FAM227B: variants seen among roughly 807,000 people sequenced by gnomAD.
FAM227B encodes family with sequence similarity 227 member B, also known as protein FAM227B.
A neutral mutation model predicts 73.8 loss-of-function variants in FAM227B; 88 were observed. That is an observed-to-expected ratio of 1.19 (90% CI 1.00 to 1.42). The LOEUF (loss-of-function observed/expected upper bound fraction) is 1.42, where lower values mean the gene tolerates loss of function less well. Among genes scored for constraint, FAM227B ranks in the 40% most tolerant of loss-of-function variants. The pLI, the probability that FAM227B is intolerant of heterozygous loss-of-function variation, is 0.00. For missense variants in FAM227B, 632 were observed against 590.9 expected (o/e 1.07, Z -0.72); for synonymous variants, 210 against 190.5 (o/e 1.10, Z -0.84).
chr15:49,367,881 A>AAAAAAAAAAAAAAAAAAAAAAC, intron 12 of FAM227B: 1 of 191,454 alleles, frequency 5.2e-6, no homozygotes, highest in Non-Finnish European at 1.1e-5. Flanking sequence ...AAAAAAAAAA[A>AAAAAAAAAAAAAAAAAAAAAAC]AATGAAGAAA....
intron 3 of FAM227B, among the ~76,000 whole-genome samples, chr15:49,597,989 C>T (rs1257897340): frequency 6.7e-6 from 1 of 150,204 alleles, no homozygotes; most frequent in Non-Finnish European, 1.5e-5. Context: ...AAATAATTAC[C>T]AACAAAAAAA....
intron 11 of FAM227B, among the ~76,000 whole-genome samples, chr15:49,456,992 A>C (rs1405031357): frequency 6.6e-6 from 1 of 152,114 alleles, no homozygotes; most frequent in Non-Finnish European, 1.5e-5. Flanking sequence ...CTTTGCTCAA[A>C]ATCACAGAGC....
At chr15:49,349,661 A>C (rs1211007985) in intron 13 of FAM227B, among the ~76,000 whole-genome samples, 1 of 152,166 alleles carries the variant, frequency 6.6e-6, no homozygotes, top group East Asian at 1.9e-4. Context: ...AGATTCACTG[A>C]TCAGAAATAT....
At chr15:49,361,368 T>C (rs1024689713) in intron 13 of FAM227B, among the ~76,000 whole-genome samples, 1 of 151,706 alleles carries the variant, frequency 6.6e-6, no homozygotes, top group African/African-American at 2.4e-5. Context: ...TAATACCCAG[T>C]AGGCAGTTTT....
At position 49,331,865 on chromosome 15, in the gene FAM227B, A is replaced by G. The variant is rs1403018359; in HGVS notation, c.1350-16T>C. The G allele has an allele frequency of 2.0e-6, 3 of 1,526,176 alleles. No homozygotes were observed. The highest frequency in any genetic ancestry group is 4.5e-5 in the East Asian group (2 of 44,476). 94.5% of individuals were successfully genotyped at this position (1,526,176 alleles called of 1,614,324 possible). ...TGCTTGGAGTCTAATCATGGAATAA[A>G]GAAAATCAGTAACCAAACTAATTGT... On this transcript the variant is annotated splice_polypyrimidine_tract_variant and intron_variant, in intron 14 of 15. Coordinates refer to ENST00000299338, the MANE Select transcript of FAM227B (RefSeq NM_152647.3).
intron 11 of FAM227B, among the ~76,000 whole-genome samples, chr15:49,419,775 A>T (rs6493370): frequency 0.49 from 74,546 of 151,394 alleles, 18,480 homozygotes; most frequent in East Asian, 0.55. Context: ...TATTATTATT[A>T]TTTTTTTATT....
chr15:49,469,484 A>C (rs886934079), intron 11 of FAM227B, among the ~76,000 whole-genome samples: 1 of 152,098 alleles, frequency 6.6e-6, no homozygotes, highest in Non-Finnish European at 1.5e-5. Flanking sequence ...TTGGCTTTTC[A>C]TGGCACAATT....
chr15:49,508,445 C>G (rs558976801), intron 10 of FAM227B, 97 bp from the exon 11 acceptor site: 114 of 1,140,112 alleles, frequency 1.0e-4, no homozygotes, highest in Admixed American at 3.5e-4. Context: ...TACATTTCAT[C>G]CTCACAACAA....
intron 8 of FAM227B, 100 bp from the exon 9 acceptor site, chr15:49,568,446 T>C (rs2074834906): frequency 1.0e-6 from 1 of 956,544 alleles, no homozygotes; most frequent in Admixed American, 2.4e-5. Context: ...AGCAGATCAA[T>C]TGGTACAGGA....
chr15:49,329,313 G>C (rs765456127), intron 15 of FAM227B: 355 of 985,358 alleles, frequency 3.6e-4, no homozygotes, highest in Non-Finnish European at 4.0e-4. Flanking sequence ...TGGACTATAG[G>C]AAGCACTTTC....
chr15:49,612,111 C>CT (rs757706348), intron 2 of FAM227B, among the ~76,000 whole-genome samples: 4 of 145,722 alleles, frequency 2.7e-5, no homozygotes, highest in Non-Finnish European at 6.0e-5. Context: ...TTTTATTATA[C>CT]TTTAAGTTTT....
intron 11 of FAM227B, among the ~76,000 whole-genome samples, chr15:49,410,701 CTACA>C (rs893647006): frequency 2.8e-4 from 42 of 152,150 alleles, no homozygotes; most frequent in African/African-American, 9.6e-4. Flanking sequence ...CCAAGTTAGA[CTACA>C]TGAATAGCTC....
chr15:49,468,109 G>A (rs2054425909), intron 11 of FAM227B, among the ~76,000 whole-genome samples: 1 of 152,032 alleles, frequency 6.6e-6, no homozygotes, highest in Non-Finnish European at 1.5e-5. Context: ...ATTTTCTAAT[G>A]TTTTATTTTC....
chr15:49,616,782 T>A (rs570759740), intron 1 of FAM227B, among the ~76,000 whole-genome samples: 1 of 152,244 alleles, frequency 6.6e-6, no homozygotes, highest in Non-Finnish European at 1.5e-5. Flanking sequence ...AAATTATCTT[T>A]CAAGAAAAAT....
chr15:49,525,710 AT>A (rs2060141762), intron 10 of FAM227B, among the ~76,000 whole-genome samples: 7 of 82,394 alleles, frequency 8.5e-5, no homozygotes, highest in Non-Finnish European at 2.0e-4. Flanking sequence ...ATATATATAT[AT>A]ATATATATCA....
At chr15:49,551,405 G>C (rs767193919) in intron 9 of FAM227B, among the ~76,000 whole-genome samples, 4 of 152,156 alleles carry the variant, frequency 2.6e-5, no homozygotes, top group Admixed American at 6.5e-5. Context: ...TATTTTGTCT[G>C]ATACAAGTAT....
At chr15:49,596,491 C>G (rs2076891242) in intron 3 of FAM227B, among the ~76,000 whole-genome samples, 1 of 151,152 alleles carries the variant, frequency 6.6e-6, no homozygotes, top group African/African-American at 2.4e-5. Flanking sequence ...GAAAACAAAA[C>G]AAAACAAAAC....
chr15:49,344,190 A>G (rs941584843), intron 13 of FAM227B: 1 of 152,208 alleles, frequency 6.6e-6, no homozygotes, highest in Non-Finnish European at 1.5e-5. Flanking sequence ...TAGAAGCATT[A>G]ATGTAATCAA....
intron 11 of FAM227B, chr15:49,424,005 C>G: frequency 6.8e-6 from 2 of 294,592 alleles, no homozygotes; most frequent in Non-Finnish European, 1.3e-5. Context: ...CCTCCCCTCC[C>G]TATTCTTAAT....
Sources: allele counts gnomAD v4.1 joint callset (sites outside exome capture counted in the v4.1 genomes callset), GRCh38; gene constraint gnomAD v4.1.1; transcripts MANE v1.5; gene names NCBI Gene and HGNC (gene_info 2026-07-23, HGNC 2026-07-21).